LRRC36: variants seen among roughly 807,000 people sequenced by gnomAD.
LRRC36 encodes leucine-rich repeat-containing protein 36.
A neutral mutation model predicts 81.1 loss-of-function variants in LRRC36; 62 were observed. The observed-to-expected ratio is 0.76, with a 90% CI of 0.62 to 0.94. The LOEUF (loss-of-function observed/expected upper bound fraction) is 0.94, where lower values mean the gene tolerates loss of function less well. Ranked by LOEUF, LRRC36 falls within the 40% of genes least tolerant of loss-of-function variation. The probability of loss-of-function intolerance (pLI) is 0.00; values close to 1 mark genes in which losing one functional copy is unlikely to be tolerated. For synonymous variants in LRRC36, 334 were observed against 348.6 expected (o/e 0.96, Z 0.47); for missense variants, 761 against 881.7 (o/e 0.86, Z 1.73).
intron 1 of LRRC36, among the ~76,000 whole-genome samples, chr16:67,330,800 G>A (rs565506344): frequency 6.6e-6 from 1 of 152,194 alleles, no homozygotes; most frequent in South Asian, 2.1e-4. Flanking sequence ...GGGAAGCAGA[G>A]GTTGCAGTGA....
intron 7 of LRRC36, among the ~76,000 whole-genome samples, chr16:67,366,323 A>T (rs567538931): frequency 1.5e-4 from 23 of 151,948 alleles, no homozygotes; most frequent in African/African-American, 3.1e-4. Context: ...AATTAAAAAA[A>T]TTTTTTTCGG....
chr16:67,363,751 T>A (rs763881910), intron 6 of LRRC36, 37 bp downstream of exon 6: 1 of 1,605,124 alleles, frequency 6.2e-7, no homozygotes, highest in Non-Finnish European at 8.5e-7. Flanking sequence ...TGTTGACTAG[T>A]CAATGATTAA....
Position 67,385,008 on chromosome 16 carries a change from T to G in LRRC36, c.2184T>G (p.Ser728=). Residue 728 remains serine (S), a synonymous_variant, in exon 14 of 14, where the codon TCT becomes TCG. Transcript: ENST00000329956. ...CGCCCTTTGGGAAAAGCACGTTGTCTTCCTCCTCACCAGTGGCACATGAGA... is the reference window on the plus strand; with the variant it reads ...CGCCCTTTGGGAAAAGCACGTTGTCGTCCTCCTCACCAGTGGCACATGAGA... ...RSSPFGKSTL[S]SSSPVAHETG... is the part of the protein sequence containing the mutation. 1 of 1,614,220 alleles carries G rather than the reference T, an allele frequency of 6.2e-7. No individual in the cohort carries two copies. The highest frequency in any genetic ancestry group is 8.5e-7 in the Non-Finnish European group (1 of 1,180,034).
chr16:67,383,854 T>TA (rs1459684047), intron 13 of LRRC36, among the ~76,000 whole-genome samples: 2 of 152,172 alleles, frequency 1.3e-5, no homozygotes, highest in Non-Finnish European at 2.9e-5. Context: ...CCTTCTATTG[T>TA]AGGTGTGGGT....
At chr16:67,353,957 A>T (rs2038777000) in intron 5 of LRRC36, among the ~76,000 whole-genome samples, 1 of 152,126 alleles carries the variant, frequency 6.6e-6, no homozygotes, top group African/African-American at 2.4e-5. Context: ...CACAGCTGTG[A>T]TGATTTATTA....
chr16:67,327,505 A>C (rs1248572026), intron 1 of LRRC36, among the ~76,000 whole-genome samples: 1 of 152,016 alleles, frequency 6.6e-6, no homozygotes, highest in East Asian at 1.9e-4. Flanking sequence ...AAATAATAAT[A>C]ATAAATAAAA....
intron 5 of LRRC36, among the ~76,000 whole-genome samples, chr16:67,352,914 T>A (rs987773951): frequency 6.6e-6 from 1 of 152,070 alleles, no homozygotes; most frequent in Non-Finnish European, 1.5e-5. Flanking sequence ...CTTGAACTCC[T>A]GAGCTCAAGC....
At chr16:67,363,022 A>T (rs1379298007) in intron 5 of LRRC36, among the ~76,000 whole-genome samples, 4 of 152,150 alleles carry the variant, frequency 2.6e-5, no homozygotes, top group Non-Finnish European at 5.9e-5. Flanking sequence ...ACCTCAAGTG[A>T]TCTGCCCACC....
At chr16:67,339,067 G>T (rs1440613897) in intron 1 of LRRC36, among the ~76,000 whole-genome samples, 1 of 150,130 alleles carries the variant, frequency 6.7e-6, no homozygotes. Flanking sequence ...GCTAATTTTT[G>T]TATTTTTGGT....
At chr16:67,354,655 T>C (rs2142053169) in intron 5 of LRRC36, among the ~76,000 whole-genome samples, 1 of 152,256 alleles carries the variant, frequency 6.6e-6, no homozygotes, top group South Asian at 2.1e-4. Flanking sequence ...GGCAGTAGAG[T>C]TCCCATATAC....
At position 67,371,026 on chromosome 16, in the gene LRRC36, T is replaced by C; in HGVS notation, c.1278T>C (p.Asp426=). 1 of 1,614,152 alleles carries C rather than the reference T, an allele frequency of 6.2e-7. No homozygotes were observed. Among genetic ancestry groups the C allele is most frequent in the Non-Finnish European group, 8.5e-7 (1 of 1,180,028 alleles). The change falls in exon 9 of 14, where the codon GAT becomes GAC. Residue 426 remains aspartate (D), a synonymous_variant. Coordinates refer to ENST00000329956, the MANE Select transcript of LRRC36 (RefSeq NM_018296.6). ...VEQQLSTSLD[D]LTPAHGSVPN... is the part of the protein sequence containing the mutation. ...AACAATTATCTACCAGCCTGGATGA[T>C]TTAACACCAGCACATGGTTCTGTCC...
chr16:67,338,917 C>T (rs1158492709), intron 1 of LRRC36, among the ~76,000 whole-genome samples: 1 of 91,366 alleles, frequency 1.1e-5, no homozygotes, highest in Non-Finnish European at 2.0e-5. Flanking sequence ...TTTTTAGGGA[C>T]AGAGTCTCGC....
intron 1 of LRRC36, among the ~76,000 whole-genome samples, chr16:67,328,241 G>T (rs35972809): frequency 2.7e-4 from 41 of 152,032 alleles, no homozygotes; most frequent in Non-Finnish European, 4.6e-4. Flanking sequence ...GGCCAGGCGC[G>T]GTGGCTCACG....
At chr16:67,332,478 T>C (rs1393359536) in intron 1 of LRRC36, among the ~76,000 whole-genome samples, 2 of 151,962 alleles carry the variant, frequency 1.3e-5, no homozygotes, top group African/African-American at 4.8e-5. Flanking sequence ...GGCGTGAACC[T>C]GGGAGGCAGA....
At chr16:67,368,335 T>C (rs566471495) in intron 8 of LRRC36, among the ~76,000 whole-genome samples, 2 of 152,206 alleles carry the variant, frequency 1.3e-5, no homozygotes, top group Non-Finnish European at 2.9e-5. Flanking sequence ...GAAAAAATTA[T>C]ATAAGGGCAT....
At chr16:67,326,997 A>G in intron 1 of LRRC36, 65 bp downstream of exon 1, 1 of 1,405,494 alleles carries the variant, frequency 7.1e-7, no homozygotes, top group Non-Finnish European at 9.3e-7. Context: ...AAGAAAACTG[A>G]AGTGGAAGGC....
chr16:67,331,113 G>GAGAA (rs1567462464), intron 1 of LRRC36, among the ~76,000 whole-genome samples: 1 of 136,146 alleles, frequency 7.3e-6, no homozygotes, highest in African/African-American at 2.7e-5. Context: ...GAGAGAGAGA[G>GAGAA]AAGACTGAAC....
chr16:67,332,329 G>A (rs1274790087), intron 1 of LRRC36, among the ~76,000 whole-genome samples: 1 of 152,140 alleles, frequency 6.6e-6, no homozygotes, highest in Non-Finnish European at 1.5e-5. Flanking sequence ...TGAGGAGGGC[G>A]AATCACGAGG....
chr16:67,344,140 T>A (rs954228379), intron 2 of LRRC36, among the ~76,000 whole-genome samples: 1 of 152,180 alleles, frequency 6.6e-6, no homozygotes, highest in Non-Finnish European at 1.5e-5. Flanking sequence ...TATATTAATC[T>A]TTAACAGTTC....
Sources: allele counts gnomAD v4.1 joint callset (sites outside exome capture counted in the v4.1 genomes callset), GRCh38; gene constraint gnomAD v4.1.1; transcripts MANE v1.5; gene names NCBI Gene and HGNC (gene_info 2026-07-23, HGNC 2026-07-21).